EPB41L4B: variants seen among roughly 807,000 people sequenced by gnomAD.
EPB41L4B encodes the protein band 4.1-like protein 4B.
EPB41L4B carries 30 observed loss-of-function variants against 112.5 expected under a neutral mutation model. That is an observed-to-expected ratio of 0.27 (90% CI 0.20 to 0.36). The LOEUF (loss-of-function observed/expected upper bound fraction) is 0.36. EPB41L4B is among the 10% of genes least tolerant of loss of function. The pLI is 1.00. For missense variants in EPB41L4B, 1,024 were observed against 1,133.3 expected, an observed-to-expected ratio of 0.90 and a Z score of 1.38; for synonymous variants, 408 against 439.7, an observed-to-expected ratio of 0.93 and a Z score of 0.90.
In EPB41L4B at chr9:109,255,848, T is replaced by G; in HGVS notation, c.930-5A>C. The G allele has an allele frequency of 6.2e-7, 1 of 1,612,348 alleles. No individual in the cohort carries two copies. Among genetic ancestry groups the G allele is most frequent in the Non-Finnish European group, 8.5e-7 (1 of 1,179,542 alleles). On this transcript the variant is annotated splice_polypyrimidine_tract_variant and splice_region_variant and intron_variant, in intron 9 of 25. Coordinates refer to ENST00000374566, the MANE Select transcript of EPB41L4B (RefSeq NM_019114.5). ...TCCATTTTGGTAATTTTAGGCCTAG[T>G]CAGACAGAAAGCATTTTAAAAGCAC...
At chr9:109,192,464 T>C in intron 21 of EPB41L4B, 109 bp from the exon 22 acceptor site, 1 of 682,234 alleles carries the variant, frequency 1.5e-6, no homozygotes, top group South Asian at 3.0e-5. Flanking sequence ...ACTGATCTCA[T>C]TAGCAATGAC....
At chr9:109,251,168 T>C (rs1039733577) in intron 13 of EPB41L4B, among the ~76,000 whole-genome samples, 1 of 152,264 alleles carries the variant, frequency 6.6e-6, no homozygotes, top group African/African-American at 2.4e-5. Flanking sequence ...CTCCCAGCAC[T>C]GCCTGCCACG....
intron 15 of EPB41L4B, among the ~76,000 whole-genome samples, chr9:109,235,689 C>T (rs148950163): frequency 7.4e-4 from 112 of 152,292 alleles, no homozygotes; most frequent in Admixed American, 2.7e-3. Flanking sequence ...TGATTCACCA[C>T]GCCCGGCCTT....
intron 15 of EPB41L4B, among the ~76,000 whole-genome samples, chr9:109,223,235 T>A (rs865819114): frequency 2.6e-5 from 4 of 151,690 alleles, no homozygotes; most frequent in African/African-American, 7.3e-5. Flanking sequence ...GGCCTAGGAG[T>A]TCGAGACCGG....
At chr9:109,181,194 GTCTC>G (rs1832039363) in intron 24 of EPB41L4B, among the ~76,000 whole-genome samples, 1 of 151,874 alleles carries the variant, frequency 6.6e-6, no homozygotes, top group African/African-American at 2.4e-5. Context: ...TAGGGACAGG[GTCTC>G]TCTATGTTGC....
chr9:109,180,434 C>A (rs1482081184), intron 24 of EPB41L4B, among the ~76,000 whole-genome samples: 1 of 152,212 alleles, frequency 6.6e-6, no homozygotes, highest in African/African-American at 2.4e-5. Flanking sequence ...AGCAAGACTG[C>A]AGGGAGCCAG....
intron 1 of EPB41L4B, among the ~76,000 whole-genome samples, chr9:109,290,755 C>T (rs1836494992): frequency 7.3e-6 from 1 of 137,704 alleles, no homozygotes; most frequent in Non-Finnish European, 1.6e-5. Context: ...ATATATATAC[C>T]TCACACACAC....
intron 24 of EPB41L4B, among the ~76,000 whole-genome samples, chr9:109,182,164 G>A (rs1485647258): frequency 1.3e-5 from 2 of 152,190 alleles, no homozygotes; most frequent in Non-Finnish European, 2.9e-5. Flanking sequence ...AGCCGAGATC[G>A]TGCCACTGCA....
At chr9:109,307,295 C>G (rs745664570) in intron 1 of EPB41L4B, 4 of 467,166 alleles carry the variant, frequency 8.6e-6, no homozygotes, top group Non-Finnish European at 1.7e-5. Context: ...AGCTAAATAC[C>G]TCTGGACTTC....
chr9:109,278,694 C>T lies in EPB41L4B; in HGVS notation c.411+1123G>A, dbSNP rs376768436. On this transcript the variant is annotated intron_variant, in intron 2 of 25. Transcript: ENST00000374566. Reference sequence around the variant, plus strand: ...TCCCCCCAGTCCACCCTTTCCTCGCCTTTATTTTTCTTGACTCCTATTACC... The same window carrying T: ...TCCCCCCAGTCCACCCTTTCCTCGCTTTTATTTTTCTTGACTCCTATTACC... 5.5e-4 allele frequency among the ~76,000 whole-genome samples: 83 copies of T among 152,240 alleles called. 1 individual carries two copies. Among genetic ancestry groups the T allele is most frequent in the African/African-American group, 1.8e-3 (75 of 41,542 alleles).
At position 109,320,560 on chromosome 9, in the gene EPB41L4B, G is replaced by C; in HGVS notation, c.-114C>G. On this transcript the variant is annotated 5_prime_UTR_variant, in exon 1 of 26. Coordinates refer to ENST00000374566, the MANE Select transcript of EPB41L4B (RefSeq NM_019114.5). ...ACGCCGTCAGTGCCCTCGGCCGCCC[G>C]CGCCGCCTCTCGCGGGCTACGGCCC... 1 of 520,828 alleles carries C rather than the reference G, an allele frequency of 1.9e-6. No homozygotes were observed. The highest frequency in any genetic ancestry group is 2.4e-6 in the Non-Finnish European group (1 of 409,260). 32.3% of individuals were successfully genotyped at this position (520,828 alleles called of 1,614,324 possible). A position where few individuals can be genotyped will look rare whatever the true frequency, so the allele number is the denominator to read the frequency against.
At chr9:109,279,943 G>A (rs1335447910) in intron 1 of EPB41L4B, 22 bp from the exon 2 acceptor site, 3 of 1,593,460 alleles carry the variant, frequency 1.9e-6, no homozygotes, top group Non-Finnish European at 2.6e-6. Flanking sequence ...TTGGGAAGAT[G>A]AAAAAACTTA....
chr9:109,176,784 T>C, intron 24 of EPB41L4B, 88 bp from the exon 25 acceptor site: 1 of 1,438,480 alleles, frequency 7.0e-7, no homozygotes, highest in Admixed American at 2.2e-5. Flanking sequence ...TACTCTACAG[T>C]TCCTGTTCCT....
chr9:109,295,048 A>T (rs1836685002), intron 1 of EPB41L4B, among the ~76,000 whole-genome samples: 1 of 152,140 alleles, frequency 6.6e-6, no homozygotes, highest in Non-Finnish European at 1.5e-5. Context: ...ATTAACAATT[A>T]ATCTCTTCCA....
intron 23 of EPB41L4B, among the ~76,000 whole-genome samples, chr9:109,184,556 A>T (rs1049617142): frequency 1.3e-5 from 2 of 152,232 alleles, no homozygotes; most frequent in Non-Finnish European, 2.9e-5. Context: ...GAAAGGTGAA[A>T]GTTAGCAATC....
chr9:109,214,045 C>T (rs1363046771), intron 16 of EPB41L4B, among the ~76,000 whole-genome samples: 4 of 152,078 alleles, frequency 2.6e-5, no homozygotes, highest in South Asian at 2.1e-4. Context: ...CCCCTGGGTA[C>T]GTTGTTTTGC....
chr9:109,239,200 A>T (rs1834265316), intron 15 of EPB41L4B, among the ~76,000 whole-genome samples: 1 of 152,184 alleles, frequency 6.6e-6, no homozygotes, highest in South Asian at 2.1e-4. Context: ...AAGTATGAAT[A>T]CCAAGGCAGA....
At chr9:109,293,158 T>C (rs1023943292) in intron 1 of EPB41L4B, among the ~76,000 whole-genome samples, 2 of 152,184 alleles carry the variant, frequency 1.3e-5, no homozygotes, top group Middle Eastern at 3.2e-3. Context: ...CACTAAGCAC[T>C]GGGGGAGTGT....
intron 2 of EPB41L4B, among the ~76,000 whole-genome samples, chr9:109,274,999 G>A (rs1188421067): frequency 6.6e-6 from 1 of 152,252 alleles, no homozygotes; most frequent in Non-Finnish European, 1.5e-5. Flanking sequence ...GCTTTGATAT[G>A]TAGACACAGA....
Sources: gnomAD v4.1 joint callset for allele counts (sites outside exome capture counted in the v4.1 genomes callset) on GRCh38, gnomAD v4.1.1 for gene constraint, MANE v1.5 for transcripts, NCBI Gene and HGNC (gene_info 2026-07-23, HGNC 2026-07-21) for gene names.